Variants in HK1 observed in about 807,000 individuals in gnomAD.
HK1 encodes hexokinase 1, also known as hexokinase-1.
In HK1, 28 loss-of-function variants were observed where a neutral mutation model predicts 91.6. The ratio of observed to expected loss-of-function variants is 0.31; its 90% CI spans 0.23 to 0.42. The LOEUF is 0.42. Among genes scored for constraint, HK1 ranks in the 10% least tolerant of loss-of-function variants. The pLI, the probability that HK1 is intolerant of heterozygous loss-of-function variation, is 1.00. For missense variants in HK1, 770 were observed against 1,219.8 expected, an observed-to-expected ratio of 0.63 and a Z score of 5.49; for synonymous variants, 430 against 468.1, an observed-to-expected ratio of 0.92 and a Z score of 1.05.
chr10:69,349,212 A>G (rs940241751), intron 2 of HK1, among the ~76,000 whole-genome samples: 1 of 152,212 alleles, frequency 6.6e-6, no homozygotes, highest in African/African-American at 2.4e-5. Context: ...AGAACACTGA[A>G]TCGGTCTCTG....
At chr10:69,318,244 G>C (rs1272341492), upstream of HK1, 2 of 984,758 alleles carry the variant, frequency 2.0e-6, no homozygotes, top group Non-Finnish European at 2.4e-6. Flanking sequence ...AGGTAGGCCG[G>C]TGCGTTCGGC....
chr10:69,293,956 G>T (rs1190576382), intron 3 of HK1, among the ~76,000 whole-genome samples: 4 of 148,968 alleles, frequency 2.7e-5, no homozygotes, highest in African/African-American at 9.8e-5. Flanking sequence ...CCGCCTCCCG[G>T]GTTCACGCCA....
rs757620882 is a variant in HK1 at position 69,369,706 on chromosome 10, G to T, written c.875+82G>T. On this transcript the variant is annotated intron_variant, in intron 7 of 17. Coordinates refer to ENST00000359426, the MANE Select transcript of HK1 (RefSeq NM_000188.3). This position sits in a 1 kb window ranked among gnomAD's most constrained non-coding sequence, Gnocchi z 4.4. ...AAGATTTGGGATGGGAGATGAAAAG[G>T]GCATAAAGCCAAGTGATCACAAACA... 3.5e-4 allele frequency: 452 copies of T among 1,298,374 alleles called. No individual in the cohort carries two copies. The highest frequency in any genetic ancestry group is 4.9e-4 in the Non-Finnish European group (445 of 913,422). The allele number at this position is 1,298,374 out of a possible 1,614,324, so 80.4% of individuals were successfully genotyped here.
upstream of HK1, among the ~76,000 whole-genome samples, chr10:69,316,359 G>A (rs886536763): frequency 6.6e-6 from 1 of 152,238 alleles, no homozygotes; most frequent in Non-Finnish European, 1.5e-5. Context: ...GTGACCTGGT[G>A]CTCAGAATGA....
chr10:69,296,603 C>A (rs984777046), intron 4 of HK1, among the ~76,000 whole-genome samples: 2 of 152,068 alleles, frequency 1.3e-5, no homozygotes, highest in African/African-American at 4.8e-5. Context: ...CGTCTTGGGT[C>A]CAGATAACAA....
chr10:69,308,389 G>C (rs1003744015), intron 5 of HK1, among the ~76,000 whole-genome samples: 1 of 152,104 alleles, frequency 6.6e-6, no homozygotes, highest in East Asian at 1.9e-4. Context: ...CGAGCTCCCC[G>C]AGTGAACAAT....
intron 1 of HK1, among the ~76,000 whole-genome samples, chr10:69,276,588 G>A (rs11815616): frequency 0.18 from 27,310 of 151,886 alleles, 3,028 homozygotes; most frequent in Non-Finnish European, 0.24. Context: ...CAACCCGGGA[G>A]GCGGAGGTTG....
At chr10:69,358,413 A>G (rs1461259562) in intron 2 of HK1, among the ~76,000 whole-genome samples, 3 of 152,210 alleles carry the variant, frequency 2.0e-5, no homozygotes, top group Non-Finnish European at 4.4e-5. Context: ...AGGTAACCAT[A>G]GCAGACCAGT....
intron 1 of HK1, among the ~76,000 whole-genome samples, chr10:69,329,846 C>T (rs1207562051): frequency 6.6e-6 from 1 of 152,092 alleles, no homozygotes; most frequent in East Asian, 1.9e-4. Context: ...CCTGTGCCTG[C>T]TGCCTCACCC....
chr10:69,394,597 G>T (rs1840051263), intron 15 of HK1, among the ~76,000 whole-genome samples: 1 of 151,892 alleles, frequency 6.6e-6, no homozygotes, highest in Non-Finnish European at 1.5e-5. Context: ...GAGGAGAATG[G>T]TGAGGTGTGT....
intron 1 of HK1, chr10:69,338,596 G>A (rs1243802957): frequency 7.8e-7 from 1 of 1,289,418 alleles, no homozygotes; most frequent in Admixed American, 2.3e-5. Flanking sequence ...GGATTCTTCG[G>A]GCACTGATGT....
chr10:69,343,694 A>T lies in HK1; in HGVS notation c.64-133A>T, dbSNP rs572671276. 2.6e-5 allele frequency: 20 copies of T among 774,172 alleles called. No homozygotes were observed. The African/African-American group carries it at 3.4e-4, about 13-fold the overall frequency. The allele number at this position is 774,172 out of a possible 1,614,324, so 48.0% of individuals were successfully genotyped here. On this transcript the variant is annotated intron_variant, in intron 1 of 17. Transcript: ENST00000359426. ...TGACATGGATGACAGCAGTTGAATGACCTTCCGCCATGCGATGTGCCAGCG... is the reference window on the plus strand; with the variant it reads ...TGACATGGATGACAGCAGTTGAATGTCCTTCCGCCATGCGATGTGCCAGCG...
intron 5 of HK1, among the ~76,000 whole-genome samples, chr10:69,308,812 G>C (rs1231727836): frequency 6.6e-6 from 1 of 152,090 alleles, no homozygotes; most frequent in Non-Finnish European, 1.5e-5. Flanking sequence ...CAGATCCTTT[G>C]GATGAGCAGT....
intron 1 of HK1, among the ~76,000 whole-genome samples, chr10:69,339,360 A>G (rs1049814269): frequency 6.6e-6 from 1 of 152,214 alleles, no homozygotes; most frequent in African/African-American, 2.4e-5. Flanking sequence ...ACCAGTGGAA[A>G]GAAAGGGCTT....
chr10:69,303,434 A>G (rs1253022460), intron 5 of HK1, among the ~76,000 whole-genome samples: 1 of 150,674 alleles, frequency 6.6e-6, no homozygotes, highest in Admixed American at 6.6e-5. Flanking sequence ...TAACTCATGC[A>G]GAGCTGGCTG....
chr10:69,302,755 C>CAAAAA (rs58435739), intron 5 of HK1, among the ~76,000 whole-genome samples: 1 of 127,512 alleles, frequency 7.8e-6, no homozygotes, highest in African/African-American at 3.0e-5. Flanking sequence ...GACCCTGTCT[C>CAAAAA]AAAAAAAAAA....
chr10:69,398,874 C>T (rs767957457), intron 17 of HK1, 46 bp downstream of exon 17: 10 of 1,479,886 alleles, frequency 6.8e-6, no homozygotes, highest in Non-Finnish European at 1.9e-6. Context: ...GCTGGGATCC[C>T]TTTGGGTTAG....
chr10:69,391,058 T>TAGAG (rs554615842), intron 14 of HK1, among the ~76,000 whole-genome samples: 33 of 152,224 alleles, frequency 2.2e-4, no homozygotes, highest in Non-Finnish European at 4.8e-4. Context: ...TGAGTGACTC[T>TAGAG]GCTCTAGGGA....
chr10:69,372,537 G>T (rs562128965), intron 7 of HK1, among the ~76,000 whole-genome samples: 3 of 152,124 alleles, frequency 2.0e-5, no homozygotes, highest in Non-Finnish European at 2.9e-5. Flanking sequence ...TTGACTGATG[G>T]GAAAATTATG....
Sources: gnomAD v4.1 joint callset for allele counts (sites outside exome capture counted in the v4.1 genomes callset) on GRCh38, gnomAD v4.1.1 for gene constraint, Gnocchi (gnomAD v3.1) non-coding constraint, MANE v1.5 for transcripts, NCBI Gene and HGNC (gene_info 2026-07-23, HGNC 2026-07-21) for gene names.